RAP1GAP2: variants seen among roughly 807,000 people sequenced by gnomAD.
RAP1GAP2 encodes RAP1 GTPase activating protein 2.
In RAP1GAP2, 27 loss-of-function variants were observed where a neutral mutation model predicts 95.0. That is an observed-to-expected ratio of 0.28 (90% CI 0.21 to 0.39). RAP1GAP2 has a LOEUF of 0.39. Ranked by LOEUF, RAP1GAP2 falls within the 10% of genes least tolerant of loss-of-function variation. The probability of loss-of-function intolerance (pLI) is 1.00; values close to 1 mark genes in which losing one functional copy is unlikely to be tolerated. For missense variants in RAP1GAP2, 771 were observed against 970.0 expected, an observed-to-expected ratio of 0.79 and a Z score of 2.72; for synonymous variants, 373 against 380.9, an observed-to-expected ratio of 0.98 and a Z score of 0.24.
At position 2,758,159 on chromosome 17, in the gene RAP1GAP2, A is replaced by G. The variant is rs183223777; in HGVS notation, c.50+2392A>G. Among the ~76,000 whole-genome samples the G allele has an allele frequency of 1.0e-2, 1,354 of 135,458 alleles. 13 individuals are homozygous for G. Among genetic ancestry groups the G allele is most frequent in the Admixed American group, 0.018 (244 of 13,376 alleles). 88.9% of individuals were successfully genotyped at this position (135,458 alleles called of 152,430 possible). ...GCTGGGATTACAGGCGTGAGCCACC[A>G]CGCCTGGCCACGCCCCCCCCCCTTT... On this transcript the variant is annotated intron_variant, in intron 1 of 25. Transcript: ENST00000637138.
intron 2 of RAP1GAP2, among the ~76,000 whole-genome samples, chr17:2,899,120 C>T (rs749188811): frequency 7.2e-5 from 11 of 152,144 alleles, no homozygotes; most frequent in Non-Finnish European, 1.0e-4. Context: ...TAGGTGCATC[C>T]GTGTTGTAGC....
At chr17:2,962,052 G>C (rs960898516) in intron 4 of RAP1GAP2, among the ~76,000 whole-genome samples, 3 of 151,954 alleles carry the variant, frequency 2.0e-5, no homozygotes, top group African/African-American at 7.3e-5. Context: ...ACAGGCATGC[G>C]CCACCACGCC....
intron 2 of RAP1GAP2, among the ~76,000 whole-genome samples, chr17:2,872,592 G>A (rs1433990921): frequency 1.3e-5 from 2 of 152,100 alleles, no homozygotes; most frequent in Non-Finnish European, 2.9e-5. Context: ...GCAGTCATGC[G>A]CGAGGGCCTT....
intron 8 of RAP1GAP2, among the ~76,000 whole-genome samples, chr17:2,970,580 C>T (rs1292010816): frequency 1.3e-5 from 2 of 152,028 alleles, no homozygotes; most frequent in Admixed American, 6.6e-5. Flanking sequence ...GATTTTTGCC[C>T]GTCTGATAGA....
intron 3 of RAP1GAP2, among the ~76,000 whole-genome samples, chr17:2,950,528 A>G (rs1992557): frequency 0.98 from 149,321 of 152,028 alleles, 73,438 homozygotes; most frequent in Middle Eastern, 1. Context: ...TGCAGACCAG[A>G]CCCTGGCTGG....
At chr17:2,877,115 C>G (rs980074006) in intron 2 of RAP1GAP2, among the ~76,000 whole-genome samples, 1 of 152,038 alleles carries the variant, frequency 6.6e-6, no homozygotes, top group African/African-American at 2.4e-5. Context: ...TCTCGAACTC[C>G]TGACCTCAGG....
chr17:2,956,447 G>A (rs2044109462), intron 3 of RAP1GAP2, among the ~76,000 whole-genome samples: 1 of 152,204 alleles, frequency 6.6e-6, no homozygotes, highest in Admixed American at 6.5e-5. Flanking sequence ...GGAGCAGTGG[G>A]AGCTCCAGGC....
chr17:2,930,153 C>T (rs899107877), intron 3 of RAP1GAP2, among the ~76,000 whole-genome samples: 3 of 152,400 alleles, frequency 2.0e-5, no homozygotes, highest in African/African-American at 7.2e-5. Flanking sequence ...TCAACTGCCT[C>T]AGCCTCATCC....
intron 2 of RAP1GAP2, among the ~76,000 whole-genome samples, chr17:2,841,991 G>T: frequency 6.6e-6 from 1 of 152,168 alleles, no homozygotes; most frequent in East Asian, 1.9e-4. Context: ...CCTGTGGCGT[G>T]CAAGCCTCAA....
intron 2 of RAP1GAP2, among the ~76,000 whole-genome samples, chr17:2,864,673 C>G (rs1014599826): frequency 4.6e-5 from 7 of 152,198 alleles, no homozygotes; most frequent in Non-Finnish European, 1.0e-4. Flanking sequence ...GCATCCCAGT[C>G]CTGTGCGTCC....
At chr17:2,894,123 G>GA (rs34619704) in intron 2 of RAP1GAP2, among the ~76,000 whole-genome samples, 49,892 of 144,400 alleles carry the variant, frequency 0.35, 9,389 homozygotes, top group East Asian at 0.57. Flanking sequence ...TAAAAATACA[G>GA]AAAAAAAAAA....
At chr17:2,921,927 T>G (rs1325130932) in intron 3 of RAP1GAP2, among the ~76,000 whole-genome samples, 1 of 152,228 alleles carries the variant, frequency 6.6e-6, no homozygotes, top group Non-Finnish European at 1.5e-5. Context: ...TCTGTGTGTC[T>G]CTTTTAAGGA....
chr17:2,952,417 C>T (rs2151460577), intron 3 of RAP1GAP2, among the ~76,000 whole-genome samples: 1 of 152,296 alleles, frequency 6.6e-6, no homozygotes. Context: ...GGACAAACAT[C>T]CTTGTACATG....
chr17:2,876,085 C>T (rs890245954), intron 2 of RAP1GAP2, among the ~76,000 whole-genome samples: 3 of 151,602 alleles, frequency 2.0e-5, no homozygotes, highest in Non-Finnish European at 2.9e-5. Flanking sequence ...CTACAGGCAC[C>T]CGCCCCCACG....
At chr17:2,945,023 G>A (rs535619520) in intron 3 of RAP1GAP2, among the ~76,000 whole-genome samples, 40 of 152,058 alleles carry the variant, frequency 2.6e-4, no homozygotes, top group Admixed American at 1.4e-3. Context: ...ACAGGCGCCC[G>A]CCACCACGCC....
At chr17:2,979,460 G>GTTTTT (rs71153320) in intron 8 of RAP1GAP2, among the ~76,000 whole-genome samples, 60 of 78,592 alleles carry the variant, frequency 7.6e-4, no homozygotes, top group Non-Finnish European at 1.0e-3. Flanking sequence ...GGCGTGTTCT[G>GTTTTT]TTTTTTTTTT....
At chr17:2,872,149 G>A (rs981616785) in intron 2 of RAP1GAP2, among the ~76,000 whole-genome samples, 7 of 141,998 alleles carry the variant, frequency 4.9e-5, no homozygotes, top group African/African-American at 1.8e-4. Flanking sequence ...AGAAGGTGGA[G>A]GTTGCAGTAA....
chr17:2,890,359 A>G (rs551545920), intron 2 of RAP1GAP2, among the ~76,000 whole-genome samples: 2 of 152,314 alleles, frequency 1.3e-5, no homozygotes, highest in South Asian at 4.1e-4. Flanking sequence ...GTTTGAACCA[A>G]TGATGGAAGC....
At chr17:2,939,624 C>T (rs2043417044) in intron 3 of RAP1GAP2, among the ~76,000 whole-genome samples, 2 of 152,224 alleles carry the variant, frequency 1.3e-5, no homozygotes, top group Non-Finnish European at 2.9e-5. Context: ...GGCTGGTTTC[C>T]TGTGTCCCAG....
Sources: allele counts gnomAD v4.1 joint callset (sites outside exome capture counted in the v4.1 genomes callset), GRCh38; gene constraint gnomAD v4.1.1; transcripts MANE v1.5; gene names NCBI Gene and HGNC (gene_info 2026-07-23, HGNC 2026-07-21).